The following SLC16A12 variants were observed in gnomAD, a reference collection of about 807,000 sequenced individuals.
The protein encoded by SLC16A12 is monocarboxylate transporter 12.
In SLC16A12, 17 loss-of-function variants were observed where a neutral mutation model predicts 42.4. That is an observed-to-expected ratio of 0.40 (90% confidence interval 0.27 to 0.60). The LOEUF is 0.60. SLC16A12 is among the 20% of genes least tolerant of loss of function. SLC16A12 has a pLI of 0.42. For missense variants in SLC16A12, 544 were observed against 623.0 expected (o/e 0.87, Z 1.35); for synonymous variants, 224 against 229.4 (o/e 0.98, Z 0.21).
chr10:89,461,232 G>T (rs1237894827), intron 3 of SLC16A12, among the ~76,000 whole-genome samples: 1 of 152,194 alleles, frequency 6.6e-6, no homozygotes, highest in African/African-American at 2.4e-5. Flanking sequence ...TTGGAGAAAA[G>T]TAAGAGGGAG....
intron 2 of SLC16A12, among the ~76,000 whole-genome samples, chr10:89,477,564 CAAAAAAAAAAA>C (rs34204051): frequency 2.8e-3 from 138 of 49,264 alleles, no homozygotes; most frequent in African/African-American, 0.011. Flanking sequence ...AACTCTGTCT[CAAAAAAAAAAA>C]AAAAAAAAAA....
chr10:89,523,151 A>G (rs1034643282), intron 2 of SLC16A12, among the ~76,000 whole-genome samples: 2 of 152,064 alleles, frequency 1.3e-5, no homozygotes, highest in Non-Finnish European at 2.9e-5. Flanking sequence ...AAATTTACTC[A>G]TGTGTCTCTT....
rs1841693423 is a variant in SLC16A12, at chr10:89,431,419, C to T, written c.*1645G>A. The T allele has an allele frequency of 6.6e-6, 1 of 152,218 alleles. No individual in the cohort carries two copies. Among genetic ancestry groups the T allele is most frequent in the African/African-American group, 2.4e-5 (1 of 41,460 alleles). 9.4% of individuals were successfully genotyped at this position (152,218 alleles called of 1,614,324 possible). On this transcript the variant is annotated 3_prime_UTR_variant, in exon 8 of 8. Coordinates refer to ENST00000371790, the MANE Select transcript of SLC16A12 (RefSeq NM_213606.4). ...TTTGGAAAACAACTATGAAATATTA[C>T]CATTTTCTCCTATCAGATCAAGTCA...
Position 89,432,131 on chromosome 10 carries a change from T to C in SLC16A12, c.*933A>G, listed in dbSNP as rs887490814. 6.6e-6 allele frequency: 1 copy of C among 152,652 alleles called. No individual in the cohort carries two copies. Among genetic ancestry groups the C allele is most frequent in the African/African-American group, 2.4e-5 (1 of 41,456 alleles). 9.5% of individuals were successfully genotyped at this position (152,652 alleles called of 1,614,324 possible). A position where few individuals can be genotyped will look rare whatever the true frequency, so the allele number is the denominator to read the frequency against. On this transcript the variant is annotated 3_prime_UTR_variant, in exon 8 of 8. Coordinates refer to ENST00000371790, the MANE Select transcript of SLC16A12 (RefSeq NM_213606.4). ...GAATACTGCCAACATTTTTCCAACC[T>C]AACAGGAATGCGTCTGCAGTCTAAG...
At chr10:89,553,858 T>C in intron 2 of SLC16A12, among the ~76,000 whole-genome samples, 1 of 151,486 alleles carries the variant, frequency 6.6e-6, no homozygotes, top group Admixed American at 6.6e-5. Flanking sequence ...TAGCCAGGCG[T>C]GGTGGCAGGT....
intron 2 of SLC16A12, among the ~76,000 whole-genome samples, chr10:89,542,131 A>G (rs1843719056): frequency 6.6e-6 from 1 of 152,040 alleles, no homozygotes; most frequent in Non-Finnish European, 1.5e-5. Flanking sequence ...CTACTCATTC[A>G]TGAAGCTCTG....
rs770474631 is a variant in SLC16A12 at position 89,433,191 on chromosome 10, G to T, written c.1424C>A (p.Ala475Asp). ...CTGCAGCTTAGGATCAGATTCTTTGGCAATGAACTGCAACTGGGTTTTTCT... is the reference window on the plus strand; with the variant it reads ...CTGCAGCTTAGGATCAGATTCTTTGTCAATGAACTGCAACTGGGTTTTTCT... ...RMRKTQLQFI[A>D]KESDPKLQLW... The change falls in exon 8 of 8, where the codon GCC becomes GAC. Residue 475 changes from alanine to aspartate, a missense_variant. By Grantham distance (126) the Ala-to-Asp change is moderately radical (BLOSUM62 -2). Transcript: ENST00000371790. 1.2e-5 allele frequency: 19 copies of T among 1,614,062 alleles called. No homozygotes were observed. Among genetic ancestry groups the T allele is most frequent in the Non-Finnish European group, 1.4e-5 (17 of 1,180,024 alleles).
chr10:89,449,463 G>C (rs56290559), intron 3 of SLC16A12, among the ~76,000 whole-genome samples: 1 of 151,990 alleles, frequency 6.6e-6, no homozygotes, highest in African/African-American at 2.4e-5. Flanking sequence ...ACACATCTAA[G>C]ACCATCTGAT....
rs568241159 is a variant in SLC16A12, at chr10:89,527,340, G to A, written c.-47+7161C>T. ...TCTACTAAAAATACAAAAATTAGCC[G>A]GGTGTGGTGGCAGGTGCCTGTAATC... On this transcript the variant is annotated intron_variant, in intron 2 of 7. Coordinates refer to ENST00000371790, the MANE Select transcript of SLC16A12 (RefSeq NM_213606.4). Among the ~76,000 whole-genome samples, 29 of 151,968 alleles carry A rather than the reference G, an allele frequency of 1.9e-4. No homozygotes were observed. The South Asian group carries it at 5.2e-3, about 27-fold the overall frequency.
At chr10:89,538,141 G>A (rs980212264), upstream of SLC16A12, among the ~76,000 whole-genome samples, 2 of 152,244 alleles carry the variant, frequency 1.3e-5, no homozygotes, top group Non-Finnish European at 2.9e-5. Flanking sequence ...CTTTCACTGA[G>A]GCTGGAGGAT....
chr10:89,457,993 T>C (rs1589674739), intron 3 of SLC16A12, among the ~76,000 whole-genome samples: 1 of 152,308 alleles, frequency 6.6e-6, no homozygotes, highest in South Asian at 2.1e-4. Context: ...TAATGAAAGA[T>C]GTTAGCATGT....
At chr10:89,498,975 AACAGCCTTCAGCC>A (rs1261809119) in intron 2 of SLC16A12, among the ~76,000 whole-genome samples, 1 of 152,192 alleles carries the variant, frequency 6.6e-6, no homozygotes, top group Non-Finnish European at 1.5e-5. Flanking sequence ...AAAGAATGTG[AACAGCCTTCAGCC>A]CTAGATCTTC....
chr10:89,471,997 G>T (rs560725384), intron 2 of SLC16A12, among the ~76,000 whole-genome samples: 28 of 151,956 alleles, frequency 1.8e-4, no homozygotes, highest in Non-Finnish European at 2.9e-4. Flanking sequence ...TGGGATACAG[G>T]AATACTTTAT....
intron 2 of SLC16A12, among the ~76,000 whole-genome samples, chr10:89,515,564 T>C (rs1183583489): frequency 6.6e-6 from 1 of 152,212 alleles, no homozygotes; most frequent in Admixed American, 6.5e-5. Flanking sequence ...CAGTTCCAGA[T>C]GCTTCTTATC....
chr10:89,534,667 A>C (rs1420245154), intron 1 of SLC16A12, 27 bp from the exon 2 acceptor site: 1 of 149,090 alleles, frequency 6.7e-6, no homozygotes, highest in Non-Finnish European at 1.5e-5. Flanking sequence ...AAAAAAAAAA[A>C]AAAATCCAAA....
chr10:89,542,922 C>T (rs1807233833), intron 2 of SLC16A12, among the ~76,000 whole-genome samples: 1 of 152,168 alleles, frequency 6.6e-6, no homozygotes, highest in South Asian at 2.1e-4. Flanking sequence ...TCTGTTACAT[C>T]CTCATTCTTG....
At chr10:89,550,138 C>T (rs1337805817) in intron 2 of SLC16A12, among the ~76,000 whole-genome samples, 1 of 152,144 alleles carries the variant, frequency 6.6e-6, no homozygotes, top group Non-Finnish European at 1.5e-5. Flanking sequence ...CATCTCCTCT[C>T]TCCCACTAGT....
chr10:89,517,407 C>T (rs914871172), intron 2 of SLC16A12, among the ~76,000 whole-genome samples: 1 of 151,878 alleles, frequency 6.6e-6, no homozygotes, highest in Non-Finnish European at 1.5e-5. Flanking sequence ...CTCTCCTGGG[C>T]TCAGGCAATC....
chr10:89,475,466 G>A (rs1842563386), intron 2 of SLC16A12, among the ~76,000 whole-genome samples: 1 of 152,154 alleles, frequency 6.6e-6, no homozygotes, highest in Non-Finnish European at 1.5e-5. Context: ...CCTTCAACTG[G>A]AAATTGATTT....
Sources: allele counts gnomAD v4.1 joint callset (sites outside exome capture counted in the v4.1 genomes callset), GRCh38; gene constraint gnomAD v4.1.1; transcripts MANE v1.5; gene names NCBI Gene and HGNC (gene_info 2026-07-23, HGNC 2026-07-21).